The following CBLC variants were observed in gnomAD, a reference collection of about 807,000 sequenced individuals.
CBLC encodes the protein Cbl proto-oncogene C.
CBLC carries 46 observed loss-of-function variants against 58.6 expected under a neutral mutation model. That is an observed-to-expected ratio of 0.79 (90% CI 0.62 to 1.00). The LOEUF is 1.00. Among genes scored for constraint, CBLC ranks in the 50% least tolerant of loss-of-function variants. The probability of loss-of-function intolerance (pLI) is 0.00; values close to 1 mark genes in which losing one functional copy is unlikely to be tolerated. For missense variants in CBLC, 655 were observed against 625.8 expected (o/e 1.05, Z -0.50); for synonymous variants, 271 against 264.2 (o/e 1.03, Z -0.25).
At chr19:44,792,337 G>A in intron 6 of CBLC, 46 bp from the exon 7 acceptor site, 15 of 1,607,296 alleles carry the variant, frequency 9.3e-6, no homozygotes, top group Non-Finnish European at 1.3e-5. Flanking sequence ...TGTCCCCGTG[G>A]CTGACGCATG....
chr19:44,790,055 C>G lies in CBLC; in HGVS notation c.969C>G (p.Gly323=), dbSNP rs201712287. 5.6e-6 allele frequency: 9 copies of G among 1,613,902 alleles called. No homozygotes were observed. The African/African-American group carries it at 1.2e-4, about 22-fold the overall frequency. The change falls in exon 6 of 11, where the codon GGC becomes GGG. Residue 323 remains glycine, a synonymous_variant. Coordinates refer to ENST00000647358, the MANE Select transcript of CBLC (RefSeq NM_012116.4). ...ACAACCCAGACCTGACTGAGCTCGG[C>G]CAGGCAGAACCCCAGCAGCGCATCC... ...KTHNPDLTEL[G]QAEPQQRIHV...
chr19:44,800,499 C>T (rs1479196921), intron 10 of CBLC, 49 bp downstream of exon 10: 1 of 1,208,880 alleles, frequency 8.3e-7, no homozygotes, highest in East Asian at 2.4e-5. Context: ...CCACTCCACC[C>T]TCCTCCACCT....
chr19:44,783,551 C>T lies in CBLC; in HGVS notation c.780-713C>T, dbSNP rs563690072. 1.9e-4 allele frequency among the ~76,000 whole-genome samples: 28 copies of T among 150,614 alleles called. 1 individual carries two copies. The highest frequency in any genetic ancestry group is 6.3e-4 in the South Asian group (3 of 4,752). ...CAAAAATTAGCCTGGCATGGTGATG[C>T]GTGCCTATAGTCCCAGCTACTTGGG... On this transcript the variant is annotated intron_variant, in intron 4 of 10. Transcript: ENST00000647358.
At chr19:44,791,114 G>A (rs1968034166) in intron 6 of CBLC, among the ~76,000 whole-genome samples, 1 of 150,870 alleles carries the variant, frequency 6.6e-6, no homozygotes, top group Admixed American at 6.7e-5. Flanking sequence ...GTGAGACTTG[G>A]TCTCAAGAAA....
rs150574314 is a variant in CBLC at position 44,783,369 on chromosome 19, C to T, written c.779+878C>T. On this transcript the variant is annotated intron_variant, in intron 4 of 10. Coordinates refer to ENST00000647358, the MANE Select transcript of CBLC (RefSeq NM_012116.4). ...TAAAAATACCAAAAATTTAGCCAAG[C>T]GTGGTGGCGTGCACCTGTAATCCCA... is the stretch of plus-strand genomic sequence containing the variant. Among the ~76,000 whole-genome samples, 1,129 of 152,204 alleles carry T rather than the reference C, an allele frequency of 7.4e-3. 14 individuals are homozygous for T. Among genetic ancestry groups the T allele is most frequent in the African/African-American group, 0.025 (1,057 of 41,532 alleles).
In CBLC at chr19:44,780,889, T is replaced by A; in HGVS notation, c.354-16T>A. ...GGAGCCCCAAGGATAGCCAGAGTCC[T>A]TGCCCATCCCCACAGGCGACAGCTG... On this transcript the variant is annotated splice_polypyrimidine_tract_variant and intron_variant, in intron 1 of 10. Coordinates refer to ENST00000647358, the MANE Select transcript of CBLC (RefSeq NM_012116.4). 6.2e-7 allele frequency: 1 copy of A among 1,609,156 alleles called. No homozygotes were observed. The highest frequency in any genetic ancestry group is 8.5e-7 in the Non-Finnish European group (1 of 1,179,408).
At chr19:44,791,547 A>G (rs1205632506) in intron 6 of CBLC, among the ~76,000 whole-genome samples, 1 of 152,068 alleles carries the variant, frequency 6.6e-6, no homozygotes, top group Non-Finnish European at 1.5e-5. Context: ...AGCATGGCCA[A>G]CATGGTGAAA....
chr19:44,791,458 C>A (rs995052524), intron 6 of CBLC, among the ~76,000 whole-genome samples: 1 of 151,984 alleles, frequency 6.6e-6, no homozygotes, highest in Non-Finnish European at 1.5e-5. Flanking sequence ...CATGGCCGGG[C>A]GAGGTGGCTC....
chr19:44,783,637 CG>C (rs1967808189), intron 4 of CBLC, among the ~76,000 whole-genome samples: 2 of 152,200 alleles, frequency 1.3e-5, no homozygotes, highest in Admixed American at 1.3e-4. Context: ...GCCAGGATCC[CG>C]CCACTGCACT....
Position 44,789,840 on chromosome 19 carries a change from A to G in CBLC, c.918-164A>G, listed in dbSNP as rs115235350. 6.9e-3 allele frequency among the ~76,000 whole-genome samples: 1,049 copies of G among 152,186 alleles called. 19 individuals are homozygous for G. The highest frequency in any genetic ancestry group is 0.024 in the African/African-American group (991 of 41,520). ...GGGTATCTGAGAAGACACAGTCCCA[A>G]TTAGAGGTGGGTGGAGGGAAAATAA... On this transcript the variant is annotated intron_variant, in intron 5 of 10. Coordinates refer to ENST00000647358, the MANE Select transcript of CBLC (RefSeq NM_012116.4).
At chr19:44,797,249 T>C (rs999478099) in intron 9 of CBLC, among the ~76,000 whole-genome samples, 6 of 151,996 alleles carry the variant, frequency 3.9e-5, no homozygotes, top group African/African-American at 1.4e-4. Context: ...TCATAACTTT[T>C]GTTGTTGTTG....
intron 5 of CBLC, among the ~76,000 whole-genome samples, chr19:44,786,488 A>G (rs1351706885): frequency 2.0e-5 from 3 of 150,676 alleles, no homozygotes; most frequent in South Asian, 4.2e-4. Flanking sequence ...CCAGCTACTC[A>G]GGAGGCTGAG....
At chr19:44,792,301 G>A in intron 6 of CBLC, 82 bp from the exon 7 acceptor site, 1 of 1,532,228 alleles carries the variant, frequency 6.5e-7, no homozygotes, top group Admixed American at 1.7e-5. Flanking sequence ...CCGAGGTTTG[G>A]GATTTTCTTC....
intron 3 of CBLC, among the ~76,000 whole-genome samples, chr19:44,782,113 G>T (rs542119404): frequency 1.0e-4 from 15 of 149,534 alleles, no homozygotes; most frequent in Admixed American, 1.0e-3. Flanking sequence ...AGGGAGGAGG[G>T]GGTGAGGGCC....
chr19:44,792,878 G>A, intron 7 of CBLC, among the ~76,000 whole-genome samples: 1 of 152,144 alleles, frequency 6.6e-6, no homozygotes, highest in Non-Finnish European at 1.5e-5. Flanking sequence ...TGGGCACGGT[G>A]GCTCACGCCT....
chr19:44,791,026 C>T lies in CBLC; in HGVS notation c.1005+935C>T, dbSNP rs145662792. Among the ~76,000 whole-genome samples the T allele has an allele frequency of 1.1e-3, 163 of 151,236 alleles. 1 individual carries two copies. Among genetic ancestry groups the T allele is most frequent in the African/African-American group, 3.8e-3 (155 of 41,220 alleles). On this transcript the variant is annotated intron_variant, in intron 6 of 10. Transcript: ENST00000647358. ...GCACTTGAGTTGGGAGGCTGAGGCA[C>T]GAGAATCACTTGAACCCAGGAGGCG...
At chr19:44,796,911 T>TG (rs150146240) in intron 9 of CBLC, among the ~76,000 whole-genome samples, 5 of 137,456 alleles carry the variant, frequency 3.6e-5, no homozygotes, top group Non-Finnish European at 7.9e-5. Flanking sequence ...AGCGGGGCGG[T>TG]GGGGGGGAGG....
intron 1 of CBLC, among the ~76,000 whole-genome samples, chr19:44,779,981 T>C (rs1192977729): frequency 6.6e-6 from 1 of 152,064 alleles, no homozygotes; most frequent in African/African-American, 2.4e-5. Context: ...ATAAATATTA[T>C]CTATGTTTTA....
chr19:44,795,495 C>T (rs1173684083), intron 9 of CBLC, among the ~76,000 whole-genome samples: 1 of 151,362 alleles, frequency 6.6e-6, no homozygotes, highest in African/African-American at 2.4e-5. Context: ...CCAGCCTGGG[C>T]AACAGAATGA....
Sources: allele counts gnomAD v4.1 joint callset (sites outside exome capture counted in the v4.1 genomes callset), GRCh38; gene constraint gnomAD v4.1.1; transcripts MANE v1.5; gene names NCBI Gene and HGNC (gene_info 2026-07-23, HGNC 2026-07-21).